The following SBF2 variants were observed in gnomAD, a reference collection of about 807,000 sequenced individuals.
SBF2 encodes the protein SET binding factor 2.
Under a neutral mutation model 225.2 loss-of-function variants are expected in SBF2, and 112 were observed. That is an observed-to-expected ratio of 0.50 (90% confidence interval 0.43 to 0.58). The LOEUF is 0.58. Ranked by LOEUF, SBF2 falls within the 20% of genes least tolerant of loss-of-function variation. The probability of loss-of-function intolerance (pLI) is 0.00; values close to 1 mark genes in which losing one functional copy is unlikely to be tolerated. For missense variants in SBF2, 1,996 were observed against 2,206.2 expected, an observed-to-expected ratio of 0.90 and a Z score of 1.91; for synonymous variants, 763 against 773.3, an observed-to-expected ratio of 0.99 and a Z score of 0.22.
intron 1 of SBF2, among the ~76,000 whole-genome samples, chr11:10,243,174 AAG>A (rs1959402507): frequency 6.6e-6 from 1 of 152,164 alleles, no homozygotes; most frequent in African/African-American, 2.4e-5. Context: ...CAAAAACAAA[AAG>A]AAAAAAATTC....
intron 1 of SBF2, among the ~76,000 whole-genome samples, chr11:10,271,199 T>TAGGAGAATGACAAG (rs1591343652): frequency 1.8e-5 from 2 of 108,742 alleles, no homozygotes; most frequent in South Asian, 2.9e-4. Context: ...CTTGATTCTT[T>TAGGAGAATGACAAG]TTTTTTTTTT....
intron 17 of SBF2, among the ~76,000 whole-genome samples, chr11:9,867,405 A>T (rs1237206408): frequency 6.6e-6 from 1 of 152,208 alleles, no homozygotes; most frequent in Non-Finnish European, 1.5e-5. Context: ...GCCGGTAAGG[A>T]CACAGAGAAT....
intron 6 of SBF2, among the ~76,000 whole-genome samples, chr11:10,024,080 G>GTA (rs1292440158): frequency 1.3e-5 from 2 of 151,986 alleles, no homozygotes; most frequent in Non-Finnish European, 2.9e-5. Context: ...GAATCATGCC[G>GTA]TATATAATTT....
chr11:9,950,878 A>G (rs1261787929), intron 16 of SBF2, among the ~76,000 whole-genome samples: 1 of 152,206 alleles, frequency 6.6e-6, no homozygotes, highest in Non-Finnish European at 1.5e-5. Context: ...TTCATTTATT[A>G]ATTCATCAAA....
chr11:10,004,393 T>C (rs977008343), intron 6 of SBF2, among the ~76,000 whole-genome samples: 3 of 151,898 alleles, frequency 2.0e-5, no homozygotes, highest in African/African-American at 4.8e-5. Context: ...TGTATTATCA[T>C]GACTAACTCT....
chr11:9,987,576 G>C (rs1224287368), intron 13 of SBF2, among the ~76,000 whole-genome samples: 1 of 152,070 alleles, frequency 6.6e-6, no homozygotes, highest in Non-Finnish European at 1.5e-5. Context: ...CAAAGTTTCC[G>C]GATCTGAGAT....
At chr11:9,877,400 A>T (rs1859344614) in intron 17 of SBF2, among the ~76,000 whole-genome samples, 1 of 152,168 alleles carries the variant, frequency 6.6e-6, no homozygotes. Flanking sequence ...AACCTAAATA[A>T]TTTTTTAAAA....
intron 2 of SBF2, among the ~76,000 whole-genome samples, chr11:10,088,507 T>G (rs964505621): frequency 6.6e-6 from 1 of 152,182 alleles, no homozygotes; most frequent in East Asian, 1.9e-4. Context: ...GGCTGGATTG[T>G]TCAAGATTAG....
chr11:9,963,279 A>G lies in SBF2; in HGVS notation c.1710+494T>C, dbSNP rs113103849. 8.1e-3 allele frequency among the ~76,000 whole-genome samples: 1,235 copies of G among 152,248 alleles called. 20 individuals are homozygous for G. The highest frequency in any genetic ancestry group is 0.028 in the African/African-American group (1,151 of 41,522). ...CAGGAGTTCAAGACCAGTCTGGCCA[A>G]CATGGTGAAACCCCATCTTTACTAA... is the stretch of plus-strand genomic sequence containing the variant. On this transcript the variant is annotated intron_variant, in intron 15 of 39. Coordinates refer to ENST00000256190, the MANE Select transcript of SBF2 (RefSeq NM_030962.4).
At chr11:10,272,482 T>C (rs988832173) in intron 1 of SBF2, among the ~76,000 whole-genome samples, 4 of 152,172 alleles carry the variant, frequency 2.6e-5, no homozygotes, top group African/African-American at 9.7e-5. Context: ...TTCTTTAAAA[T>C]TATTCATTAA....
intron 5 of SBF2, 107 bp from the exon 6 acceptor site, chr11:10,028,664 T>A (rs988071375): frequency 1.3e-6 from 1 of 782,960 alleles, no homozygotes; most frequent in Non-Finnish European, 2.3e-6. Flanking sequence ...CCATGTAAGA[T>A]CCAATTAACA....
chr11:10,259,085 T>C (rs574872129), intron 1 of SBF2, among the ~76,000 whole-genome samples: 18 of 152,274 alleles, frequency 1.2e-4, no homozygotes, highest in African/African-American at 4.1e-4. Context: ...TTGTACCCCT[T>C]TGGATTTAAC....
intron 35 of SBF2, 114 bp from the exon 36 acceptor site, chr11:9,787,852 G>C: frequency 1.2e-6 from 1 of 864,998 alleles, no homozygotes; most frequent in South Asian, 1.4e-5. Context: ...GAGGGCAGTT[G>C]AGGAAAGTGG....
intron 1 of SBF2, among the ~76,000 whole-genome samples, chr11:10,223,007 T>C (rs1362622134): frequency 1.3e-5 from 2 of 152,072 alleles, no homozygotes; most frequent in African/African-American, 4.8e-5. Flanking sequence ...GATCTCTATA[T>C]TTAGGCCATC....
intron 8 of SBF2, among the ~76,000 whole-genome samples, chr11:9,999,070 T>A (rs1411345095): frequency 6.6e-6 from 1 of 152,200 alleles, no homozygotes; most frequent in African/African-American, 2.4e-5. Flanking sequence ...TTTAGCATTT[T>A]ACAAAAGTCT....
intron 16 of SBF2, among the ~76,000 whole-genome samples, chr11:9,915,890 C>A (rs192262586): frequency 6.6e-6 from 1 of 152,132 alleles, no homozygotes; most frequent in Non-Finnish European, 1.5e-5. Flanking sequence ...ATGGTGAAAC[C>A]CCATGTCTAC....
intron 1 of SBF2, among the ~76,000 whole-genome samples, chr11:10,267,153 T>A (rs1962076967): frequency 6.6e-6 from 1 of 152,194 alleles, no homozygotes; most frequent in South Asian, 2.1e-4. Context: ...GGGGGCTATC[T>A]CTTCTTCCCT....
chr11:9,877,807 T>C (rs1859393810), intron 17 of SBF2, among the ~76,000 whole-genome samples: 1 of 152,182 alleles, frequency 6.6e-6, no homozygotes, highest in African/African-American at 2.4e-5. Flanking sequence ...TGATGGACAT[T>C]TGGGTTGGTT....
chr11:9,790,900 T>TA (rs1270159498), intron 33 of SBF2: 5 of 440,604 alleles, frequency 1.1e-5, no homozygotes, highest in Non-Finnish European at 2.1e-5. Context: ...AAACATCTGA[T>TA]AAAGTTTGCC....
Sources: gnomAD v4.1 joint callset for allele counts (sites outside exome capture counted in the v4.1 genomes callset) on GRCh38, gnomAD v4.1.1 for gene constraint, MANE v1.5 for transcripts, NCBI Gene and HGNC (gene_info 2026-07-23, HGNC 2026-07-21) for gene names.